The following EIF4G3 variants were observed in gnomAD, a reference collection of about 807,000 sequenced individuals.
EIF4G3 encodes the protein eukaryotic translation initiation factor 4 gamma 3, also known as eIF-4-gamma 3.
EIF4G3 carries 34 observed loss-of-function variants against 186.4 expected under a neutral mutation model. The observed-to-expected ratio is 0.18, with a 90% CI of 0.14 to 0.24. The LOEUF is 0.24. EIF4G3 is among the 10% of genes least tolerant of loss of function. The pLI, the probability that EIF4G3 is intolerant of heterozygous loss-of-function variation, is 1.00. For synonymous variants in EIF4G3, 673 were observed against 679.5 expected (o/e 0.99, Z 0.15); for missense variants, 1,536 against 1,948.5 (o/e 0.79, Z 3.99).
intron 14 of EIF4G3, among the ~76,000 whole-genome samples, chr1:20,918,271 G>A (rs754412037): frequency 8.5e-5 from 13 of 152,176 alleles, no homozygotes; most frequent in Middle Eastern, 6.8e-3. Flanking sequence ...GTGCACTGGC[G>A]CAGTCACGGC....
At position 20,907,390 on chromosome 1, in the gene EIF4G3, T is replaced by A. The variant is rs572045919; in HGVS notation, c.1664-2419A>T. The stretch of plus-strand genomic sequence containing the variant: ...TTCCAGATTTTTGCAAATTTTTTTT[T>A]AAATTTTATTATTATTATACTTTAA... On this transcript the variant is annotated intron_variant, in intron 14 of 36. Coordinates refer to ENST00000602326, the MANE Select transcript of EIF4G3 (RefSeq NM_001391906.1). Among the ~76,000 whole-genome samples, 64 of 152,226 alleles carry A rather than the reference T, an allele frequency of 4.2e-4. No homozygotes were observed. In the South Asian group the frequency reaches 7.3e-3, roughly 17 times the overall value.
intron 13 of EIF4G3, among the ~76,000 whole-genome samples, chr1:20,947,551 G>A (rs1004225341): frequency 2.0e-5 from 3 of 150,614 alleles, no homozygotes; most frequent in African/African-American, 7.3e-5. Context: ...AAGAGAGAGA[G>A]AGAGATGAAA....
chr1:21,127,695 GTAC>G (rs1450428942), intron 2 of EIF4G3, among the ~76,000 whole-genome samples: 2 of 152,044 alleles, frequency 1.3e-5, no homozygotes, highest in Non-Finnish European at 2.9e-5. Flanking sequence ...ATCTTACATT[GTAC>G]TACAAGGCAC....
At chr1:20,992,876 A>G (rs548877756) in intron 7 of EIF4G3, among the ~76,000 whole-genome samples, 2 of 152,272 alleles carry the variant, frequency 1.3e-5, no homozygotes, top group South Asian at 2.1e-4. Flanking sequence ...CAAAATAAAC[A>G]ACACAGGCCA....
chr1:21,127,464 A>G (rs2097068301), intron 2 of EIF4G3, among the ~76,000 whole-genome samples: 1 of 152,230 alleles, frequency 6.6e-6, no homozygotes, highest in African/African-American at 2.4e-5. Flanking sequence ...AATACAATAT[A>G]AATTTTGTGA....
At chr1:20,898,449 G>A (rs568247632) in intron 16 of EIF4G3, among the ~76,000 whole-genome samples, 3 of 152,024 alleles carry the variant, frequency 2.0e-5, no homozygotes, top group Admixed American at 6.5e-5. Context: ...TTCATGACCC[G>A]GGACAATTAT....
In EIF4G3 at chr1:20,941,981, T is replaced by C; in HGVS notation, c.1173A>G (p.Ile391Met). 6.2e-7 allele frequency: 1 copy of C among 1,614,222 alleles called. No homozygotes were observed. ...GTGCTACACTACAGGGTTTCTTGCA[T>C]ATATCATCATCATTTTCATTTGTTG... is the stretch of plus-strand genomic sequence containing the variant. The part of the protein sequence containing the change: ...PLPTNENDDD[I>M]CKKPCSVAPN... Residue 391 changes from isoleucine to methionine, a missense_variant, in exon 14 of 37, where the codon ATA (isoleucine) becomes ATG (methionine). Ile to Met is a conservative substitution (Grantham distance 10). Transcript: ENST00000602326.
At chr1:21,176,031 G>C (rs569028602) in intron 2 of EIF4G3, 144 bp downstream of exon 2, 71 of 264,334 alleles carry the variant, frequency 2.7e-4, no homozygotes, top group African/African-American at 1.5e-3. Flanking sequence ...CAAAAGCTCC[G>C]CCCAAGCCCG....
chr1:20,817,233 GATCA>G (rs1424220683), intron 34 of EIF4G3, among the ~76,000 whole-genome samples, 155 bp downstream of exon 34: 2 of 91,280 alleles, frequency 2.2e-5, no homozygotes, highest in African/African-American at 9.5e-5. Context: ...ACCCAAGAAT[GATCA>G]ATTAAAAAAA....
At position 20,888,590 on chromosome 1, in the gene EIF4G3, G is replaced by A. The variant is rs149762902; in HGVS notation, c.2254-2219C>T. ...TAGGAGACAAAAGAATCAGAATCTA[G>A]AGTCCAAATCTGCTATATATGAGCA... On this transcript the variant is annotated intron_variant, in intron 18 of 36. Transcript: ENST00000602326. Among the ~76,000 whole-genome samples the A allele has an allele frequency of 2.0e-3, 305 of 152,196 alleles. 2 individuals carry two copies. Among genetic ancestry groups the A allele is most frequent in the African/African-American group, 6.9e-3 (285 of 41,562 alleles).
intron 3 of EIF4G3, among the ~76,000 whole-genome samples, chr1:21,084,361 G>T (rs1306709398): frequency 6.6e-6 from 1 of 152,102 alleles, no homozygotes; most frequent in Non-Finnish European, 1.5e-5. Flanking sequence ...CTTACATGAT[G>T]GCAGGAGAGA....
At chr1:20,826,972 T>C (rs544274783) in intron 32 of EIF4G3, among the ~76,000 whole-genome samples, 1 of 152,266 alleles carries the variant, frequency 6.6e-6, no homozygotes, top group South Asian at 2.1e-4. Flanking sequence ...ACCACACAAA[T>C]GGGATACAGA....
At position 21,057,059 on chromosome 1, in the gene EIF4G3, G is replaced by A. The variant is rs528162719; in HGVS notation, c.-195-6065C>T. The stretch of plus-strand genomic sequence containing the variant: ...CTTCCAAAATTCTCATTCTCTTGCT[G>A]GTAGAAATGTAAACTGGTACAACCA... On this transcript the variant is annotated intron_variant, in intron 3 of 36. Transcript: ENST00000602326. Among the ~76,000 whole-genome samples, 35 of 152,278 alleles carry A rather than the reference G, an allele frequency of 2.3e-4. No individual in the cohort carries two copies. In the East Asian group the frequency reaches 6.4e-3, roughly 28 times the overall value.
chr1:20,939,847 G>GTTTTTTTTTT (rs538504683), intron 14 of EIF4G3, among the ~76,000 whole-genome samples: 13 of 89,952 alleles, frequency 1.4e-4, no homozygotes, highest in South Asian at 4.9e-4. Context: ...AAGTTGTTTA[G>GTTTTTTTTTT]TTTTTTTTTT....
In EIF4G3 at chr1:20,865,624, T is replaced by C. The variant is rs2077392490; in HGVS notation, c.2623-362A>G. ...TTTTAAGAAGTACCGTTGTAATAAGTATTTTGGTTTAATAGAACACACAAA... is the reference window on the plus strand; with the variant it reads ...TTTTAAGAAGTACCGTTGTAATAAGCATTTTGGTTTAATAGAACACACAAA... On this transcript the variant is annotated intron_variant, in intron 20 of 36. Coordinates refer to ENST00000602326, the MANE Select transcript of EIF4G3 (RefSeq NM_001391906.1). Among the ~76,000 whole-genome samples the C allele has an allele frequency of 3.3e-5, 5 of 151,966 alleles. No individual in the cohort carries two copies. In the South Asian group the frequency reaches 1.0e-3, roughly 32 times the overall value.
At chr1:20,892,920 G>A (rs1376500863) in intron 18 of EIF4G3, among the ~76,000 whole-genome samples, 2 of 151,930 alleles carry the variant, frequency 1.3e-5, no homozygotes, top group Non-Finnish European at 1.5e-5. Flanking sequence ...GCTCACTGAA[G>A]CCTGGACTTC....
chr1:20,847,607 A>G (rs559599476), intron 29 of EIF4G3, among the ~76,000 whole-genome samples: 1 of 152,222 alleles, frequency 6.6e-6, no homozygotes, highest in East Asian at 1.9e-4. Context: ...TTTCTTGGCC[A>G]TTCTAATTTT....
chr1:20,904,733 T>G (rs1214185219), intron 15 of EIF4G3, 150 bp downstream of exon 15: 1 of 465,320 alleles, frequency 2.1e-6, no homozygotes, highest in African/African-American at 2.0e-5. Flanking sequence ...TTTTTAAAAT[T>G]CTAATATAAA....
intron 2 of EIF4G3, among the ~76,000 whole-genome samples, chr1:21,095,562 C>T (rs2096344614): frequency 6.6e-6 from 1 of 152,166 alleles, no homozygotes; most frequent in Admixed American, 6.6e-5. Flanking sequence ...ATCCTCTTGC[C>T]TCAGCCTCCC....
Sources: gnomAD v4.1 joint callset for allele counts (sites outside exome capture counted in the v4.1 genomes callset) on GRCh38, gnomAD v4.1.1 for gene constraint, MANE v1.5 for transcripts, NCBI Gene and HGNC (gene_info 2026-07-23, HGNC 2026-07-21) for gene names.